KDM2A: variants seen among roughly 807,000 people sequenced by gnomAD.
KDM2A encodes the protein lysine demethylase 2A.
A neutral mutation model predicts 137.3 loss-of-function variants in KDM2A; 3 were observed. The ratio of observed to expected loss-of-function variants is 0.02; its 90% confidence interval spans 0.01 to 0.06. KDM2A has a LOEUF of 0.06. Among genes scored for constraint, KDM2A ranks in the 10% least tolerant of loss-of-function variants. The pLI, the probability that KDM2A is intolerant of heterozygous loss-of-function variation, is 1.00. For synonymous variants in KDM2A, 512 were observed against 541.5 expected, an observed-to-expected ratio of 0.95 and a Z score of 0.76; for missense variants, 738 against 1,510.6, an observed-to-expected ratio of 0.49 and a Z score of 8.48.
At chr11:67,251,034 CATT>C (rs912351404) in intron 17 of KDM2A, among the ~76,000 whole-genome samples, 9 of 152,138 alleles carry the variant, frequency 5.9e-5, no homozygotes, top group African/African-American at 2.2e-4. Context: ...TCCCATGTCT[CATT>C]GTTATGGGGA....
chr11:67,137,728 AT>A (rs1173511547), intron 2 of KDM2A, among the ~76,000 whole-genome samples: 1 of 152,168 alleles, frequency 6.6e-6, no homozygotes, highest in Admixed American at 6.5e-5. Flanking sequence ...TGCTTGTGAA[AT>A]ATCACAGTAG....
intron 2 of KDM2A, chr11:67,143,125 G>C (rs1380534265): frequency 6.7e-6 from 1 of 150,152 alleles, no homozygotes; most frequent in Non-Finnish European, 1.5e-5. Flanking sequence ...AGGTTCAAGT[G>C]ATTCTCTTGC....
At chr11:67,156,832 T>A (rs1399018788) in intron 2 of KDM2A, among the ~76,000 whole-genome samples, 1 of 150,812 alleles carries the variant, frequency 6.6e-6, no homozygotes, top group East Asian at 2.0e-4. Context: ...GAGGTTGCAG[T>A]GAGCCGAGAT....
At chr11:67,210,599 C>T (rs1857950020) in intron 6 of KDM2A, among the ~76,000 whole-genome samples, 1 of 151,968 alleles carries the variant, frequency 6.6e-6, no homozygotes, top group Non-Finnish European at 1.5e-5. Flanking sequence ...TATGAGAGGG[C>T]TCAGAAATAG....
intron 2 of KDM2A, among the ~76,000 whole-genome samples, chr11:67,135,067 C>CT (rs879775886): frequency 4.5e-4 from 65 of 145,472 alleles, no homozygotes; most frequent in Middle Eastern, 3.5e-3. Flanking sequence ...ATAAGATTTT[C>CT]TTTTTTTTTT....
chr11:67,250,651 G>T lies in KDM2A; in HGVS notation c.2621G>T (p.Gly874Val). Residue 874 changes from glycine (G) to valine (V), a missense_variant, in exon 17 of 21, where the codon GGT (glycine) becomes GTT (valine). Physicochemically the swap from Gly to Val is moderately radical, Grantham distance 109 (BLOSUM62 -3). This residue lies in a region of KDM2A where 244 missense variants were observed against 324.6 expected (regional missense o/e 0.75). Coordinates refer to ENST00000529006, the MANE Select transcript of KDM2A (RefSeq NM_012308.3). This position sits in a 1 kb window ranked among gnomAD's most constrained non-coding sequence, Gnocchi z 7.1. ...GAAGATGACAGTGCAGAGGAGGGGGGTGCAGCCAGGCTGAATGGCCGGGGC... is the reference window on the plus strand; with the variant it reads ...GAAGATGACAGTGCAGAGGAGGGGGTTGCAGCCAGGCTGAATGGCCGGGGC... ...EEEDDSAEEG[G>V]AARLNGRGSW... The T allele has an allele frequency of 6.2e-7, 1 of 1,608,814 alleles. No individual in the cohort carries two copies. The highest frequency in any genetic ancestry group is 8.5e-7 in the Non-Finnish European group (1 of 1,176,450).
chr11:67,214,409 T>C (rs1195794531), intron 6 of KDM2A, among the ~76,000 whole-genome samples: 2 of 152,142 alleles, frequency 1.3e-5, no homozygotes, highest in Non-Finnish European at 2.9e-5. Context: ...TTTCACCATG[T>C]TAGCCAAGAT....
At chr11:67,225,709 C>T (rs910799193) in intron 10 of KDM2A, among the ~76,000 whole-genome samples, 3 of 150,940 alleles carry the variant, frequency 2.0e-5, no homozygotes, top group African/African-American at 7.3e-5. Context: ...GCACAGGTTG[C>T]GGTGAGCCGA....
At chr11:67,133,698 C>T (rs1258885045) in intron 2 of KDM2A, among the ~76,000 whole-genome samples, 7 of 151,934 alleles carry the variant, frequency 4.6e-5, no homozygotes, top group African/African-American at 1.2e-4. Context: ...CCACCGCACC[C>T]GGCTTCCAAC....
intron 1 of KDM2A, among the ~76,000 whole-genome samples, chr11:67,120,599 C>T (rs1855577306): frequency 1.3e-5 from 2 of 152,114 alleles, no homozygotes; most frequent in East Asian, 1.9e-4. Flanking sequence ...GAATTTTGGT[C>T]CTTGATTTGC....
chr11:67,127,599 G>A (rs1405554571), intron 2 of KDM2A, among the ~76,000 whole-genome samples: 2 of 152,070 alleles, frequency 1.3e-5, no homozygotes, highest in African/African-American at 4.8e-5. Context: ...AAGGAACTGC[G>A]GCCACTGAAA....
intron 2 of KDM2A, among the ~76,000 whole-genome samples, chr11:67,170,386 GGTTTTTTTTTTTTCTTTCTTTCTTT>G (rs1856854485): frequency 6.9e-6 from 1 of 144,866 alleles, no homozygotes; most frequent in South Asian, 2.2e-4. Flanking sequence ...CCAAGCATGG[GGTTTTTTTTTTTTCTTTCTTTCTTT>G]TTTTTTTTTT....
chr11:67,250,813 AG>A lies in KDM2A; in HGVS notation c.2768+20del, dbSNP rs1859398294. The A allele has an allele frequency of 2.0e-6, 3 of 1,512,382 alleles. No individual in the cohort carries two copies. Among genetic ancestry groups the A allele is most frequent in the Middle Eastern group, 1.8e-4 (1 of 5,542 alleles). 93.7% of individuals were successfully genotyped at this position (1,512,382 alleles called of 1,614,324 possible). On this transcript the variant is annotated intron_variant, in intron 17 of 20. Coordinates refer to ENST00000529006, the MANE Select transcript of KDM2A (RefSeq NM_012308.3). The surrounding 1 kb of genome is among the most constrained non-coding windows in gnomAD (Gnocchi z 7.1). ...TGGTATAAATGGTGAGCAGGGATTCAGGGGGTCAGGAATTAGGGGTATGGGA... is the reference window on the plus strand; with the variant it reads ...TGGTATAAATGGTGAGCAGGGATTCAGGGGTCAGGAATTAGGGGTATGGGA...
intron 2 of KDM2A, among the ~76,000 whole-genome samples, chr11:67,128,702 T>C (rs563354939): frequency 1.2e-4 from 18 of 152,362 alleles, no homozygotes; most frequent in African/African-American, 4.3e-4. Context: ...TGTTTTATTT[T>C]GCTGAGCATT....
chr11:67,158,300 T>G (rs1030881071), intron 2 of KDM2A, among the ~76,000 whole-genome samples: 1 of 152,234 alleles, frequency 6.6e-6, no homozygotes, highest in African/African-American at 2.4e-5. Flanking sequence ...TGTATGGATG[T>G]TTCATAGTTC....
intron 2 of KDM2A, among the ~76,000 whole-genome samples, chr11:67,143,833 A>G (rs944386979): frequency 1.3e-5 from 2 of 151,714 alleles, no homozygotes; most frequent in Admixed American, 1.3e-4. Flanking sequence ...GGGTTTTCTC[A>G]TGTTGGCCAA....
intron 2 of KDM2A, among the ~76,000 whole-genome samples, chr11:67,155,419 C>G (rs1198184971): frequency 1.3e-5 from 2 of 151,896 alleles, no homozygotes; most frequent in African/African-American, 4.8e-5. Flanking sequence ...AGCGATTATC[C>G]TGTCTCAGCC....
Position 67,256,631 on chromosome 11 carries a change from AG to A in KDM2A, c.*1577del, listed in dbSNP as rs1416547240. The A allele has an allele frequency of 6.6e-6, 1 of 152,550 alleles. No homozygotes were observed. Among genetic ancestry groups the A allele is most frequent in the African/African-American group, 2.4e-5 (1 of 41,384 alleles). 9.4% of individuals were successfully genotyped at this position (152,550 alleles called of 1,614,324 possible). On this transcript the variant is annotated 3_prime_UTR_variant, in exon 21 of 21. Transcript: ENST00000529006. ...GAAGCCCTACAGAGTTAGGGAATGG[AG>A]CCCAGGCACCAGGGGTCTAAAGTGT...
At chr11:67,206,867 A>G (rs1857820482) in intron 5 of KDM2A, among the ~76,000 whole-genome samples, 2 of 152,358 alleles carry the variant, frequency 1.3e-5, no homozygotes, top group African/African-American at 4.8e-5. Context: ...AGAATCTGAT[A>G]TAGATTTTCG....
Sources: gnomAD v4.1 joint callset for allele counts (sites outside exome capture counted in the v4.1 genomes callset) on GRCh38, gnomAD v4.1.1 for gene constraint, gnomAD v4.1.1 regional missense constraint, Gnocchi (gnomAD v3.1) non-coding constraint, MANE v1.5 for transcripts, NCBI Gene and HGNC (gene_info 2026-07-23, HGNC 2026-07-21) for gene names.